FGD4: variants seen among roughly 807,000 people sequenced by gnomAD.
The protein encoded by FGD4 is FYVE, RhoGEF and PH domain containing 4.
In FGD4, 42 loss-of-function variants were observed where a neutral mutation model predicts 102.0. That is an observed-to-expected ratio of 0.41 (90% confidence interval 0.32 to 0.53). The LOEUF (loss-of-function observed/expected upper bound fraction) is 0.53. FGD4 is among the 20% of genes least tolerant of loss of function. The probability of loss-of-function intolerance (pLI) is 0.21; values close to 1 mark genes in which losing one functional copy is unlikely to be tolerated. For missense variants in FGD4, 902 were observed against 1,078.2 expected, an observed-to-expected ratio of 0.84 and a Z score of 2.29; for synonymous variants, 380 against 375.7, an observed-to-expected ratio of 1.01 and a Z score of -0.13.
At chr12:32,640,153 T>C in intron 16 of FGD4, 123 bp from the exon 17 acceptor site, 2 of 1,453,314 alleles carry the variant, frequency 1.4e-6, no homozygotes, top group Non-Finnish European at 1.9e-6. Context: ...TCTGTGCCCA[T>C]GGAGAACTCA....
chr12:32,628,931 C>T (rs1419693341), intron 14 of FGD4, among the ~76,000 whole-genome samples: 5 of 152,184 alleles, frequency 3.3e-5, no homozygotes, highest in African/African-American at 4.8e-5. Context: ...TAAGGGTAGG[C>T]ACCCAGACCT....
chr12:32,601,468 T>C (rs775289165), intron 6 of FGD4, 45 bp downstream of exon 6: 1 of 1,570,254 alleles, frequency 6.4e-7, no homozygotes, highest in Non-Finnish European at 8.6e-7. Flanking sequence ...GCAGTCATGC[T>C]GTATTTTTCA....
At chr12:32,440,149 G>T (rs1445790330) in intron 1 of FGD4, among the ~76,000 whole-genome samples, 1 of 152,188 alleles carries the variant, frequency 6.6e-6, no homozygotes, top group Non-Finnish European at 1.5e-5. Flanking sequence ...TTGGTCCCTG[G>T]AGCTTTATTT....
chr12:32,477,712 C>T (rs1055468963), intron 1 of FGD4, among the ~76,000 whole-genome samples: 2 of 152,130 alleles, frequency 1.3e-5, no homozygotes, highest in East Asian at 3.8e-4. Flanking sequence ...CACTCCCCTC[C>T]TCAAAATAGA....
chr12:32,640,682 A>G lies in FGD4; in HGVS notation c.*149A>G. On this transcript the variant is annotated 3_prime_UTR_variant, in exon 17 of 17. Transcript: ENST00000534526. ...GAGGACTATTTTCCTATGTTTATGT[A>G]CTCTTAGTGAAATTAGTGTGCAGAG... The G allele has an allele frequency of 9.3e-7, 1 of 1,074,358 alleles. No individual in the cohort carries two copies. The highest frequency in any genetic ancestry group is 1.4e-5 in the South Asian group (1 of 69,224). The allele number at this position is 1,074,358 out of a possible 1,614,324, so 66.6% of individuals were successfully genotyped here.
At chr12:32,534,065 A>G (rs865940307) in intron 1 of FGD4, among the ~76,000 whole-genome samples, 1 of 152,256 alleles carries the variant, frequency 6.6e-6, no homozygotes, top group Admixed American at 6.5e-5. Context: ...CTGTTTTCCC[A>G]TTAGCTTTTT....
In FGD4 at chr12:32,564,193, A is replaced by G. The variant is rs1278634735; in HGVS notation, c.223A>G (p.Thr75Ala). ...TCCACCTTGCTCCACAAGCAGCACA[A>G]CCACACTGGTTGGTGAGAATGTATC... is the stretch of plus-strand genomic sequence containing the variant. ...LVPPCSTSSTTTLVGENVSEE... is the reference protein window; with the variant it reads ...LVPPCSTSSTATLVGENVSEE... Residue 75 changes from threonine to alanine, a missense_variant, in exon 2 of 17, where the codon ACC (threonine) becomes GCC (alanine). Physicochemically the swap from Thr to Ala is moderately conservative, Grantham distance 58. Transcript: ENST00000534526. 3.9e-6 allele frequency: 6 copies of G among 1,536,124 alleles called. No homozygotes were observed. In the Admixed American group the frequency reaches 5.9e-5, roughly 15 times the overall value.
chr12:32,524,571 T>C (rs1940940666), intron 1 of FGD4, among the ~76,000 whole-genome samples: 1 of 149,828 alleles, frequency 6.7e-6, no homozygotes, highest in Non-Finnish European at 1.5e-5. Flanking sequence ...ACGCCTGCAA[T>C]CCCAGCACTT....
intron 1 of FGD4, among the ~76,000 whole-genome samples, 164 bp downstream of exon 1, chr12:32,400,123 T>A (rs915185032): frequency 6.6e-6 from 1 of 152,182 alleles, no homozygotes; most frequent in African/African-American, 2.4e-5. Flanking sequence ...CTCCCTTAGC[T>A]ATGCTGTCCC....
chr12:32,417,010 C>T (rs973782232), intron 1 of FGD4, among the ~76,000 whole-genome samples: 3 of 151,900 alleles, frequency 2.0e-5, no homozygotes, highest in Admixed American at 6.6e-5. Context: ...AATTCTCCTG[C>T]GTCAGCCTCC....
At chr12:32,583,898 C>A (rs1946804561) in intron 4 of FGD4, among the ~76,000 whole-genome samples, 1 of 152,194 alleles carries the variant, frequency 6.6e-6, no homozygotes, top group South Asian at 2.1e-4. Flanking sequence ...CCAAGAAAAT[C>A]TTTTGCCACT....
chr12:32,412,849 G>T (rs1028242778), intron 1 of FGD4, among the ~76,000 whole-genome samples: 1 of 150,404 alleles, frequency 6.6e-6, no homozygotes, highest in African/African-American at 2.5e-5. Flanking sequence ...TAAAGTTCTG[G>T]GATTACAGGC....
At chr12:32,636,796 A>G (rs1483067967) in intron 15 of FGD4, among the ~76,000 whole-genome samples, 2 of 152,060 alleles carry the variant, frequency 1.3e-5, no homozygotes, top group African/African-American at 2.4e-5. Flanking sequence ...GAAGCAAACC[A>G]GTTAGTTTCC....
intron 1 of FGD4, among the ~76,000 whole-genome samples, chr12:32,523,469 A>G (rs1017595554): frequency 6.6e-5 from 10 of 152,280 alleles, no homozygotes; most frequent in South Asian, 6.2e-4. Context: ...ATACATGACA[A>G]CCTCAGAACT....
chr12:32,539,498 G>T (rs1247678367), intron 1 of FGD4, among the ~76,000 whole-genome samples: 1 of 152,002 alleles, frequency 6.6e-6, no homozygotes. Flanking sequence ...GAACCTGAGA[G>T]GCGGAGGTTG....
At chr12:32,597,789 A>T (rs1402901024) in intron 4 of FGD4, among the ~76,000 whole-genome samples, 1 of 152,272 alleles carries the variant, frequency 6.6e-6, no homozygotes, top group Non-Finnish European at 1.5e-5. Flanking sequence ...TAAATGAAAC[A>T]AGATTAACAA....
chr12:32,527,727 CCTAT>C (rs1245713558), intron 1 of FGD4, among the ~76,000 whole-genome samples: 3 of 151,978 alleles, frequency 2.0e-5, no homozygotes, highest in Non-Finnish European at 4.4e-5. Context: ...CTGCGCCCAG[CCTAT>C]CTTAGTATTT....
chr12:32,426,753 G>A (rs1343455933), intron 1 of FGD4, among the ~76,000 whole-genome samples: 1 of 152,078 alleles, frequency 6.6e-6, no homozygotes, highest in Non-Finnish European at 1.5e-5. Flanking sequence ...CTTATTATTG[G>A]TCTATTCAGG....
At chr12:32,435,681 A>G (rs200285183) in intron 1 of FGD4, among the ~76,000 whole-genome samples, 2 of 152,094 alleles carry the variant, frequency 1.3e-5, no homozygotes, top group Admixed American at 6.6e-5. Flanking sequence ...TATTTATTGT[A>G]CTAAATACTG....
Sources: allele counts gnomAD v4.1 joint callset (sites outside exome capture counted in the v4.1 genomes callset), GRCh38; gene constraint gnomAD v4.1.1; transcripts MANE v1.5; gene names NCBI Gene and HGNC (gene_info 2026-07-23, HGNC 2026-07-21).